Variants in PHEX observed in about 807,000 individuals in gnomAD.
PHEX encodes phosphate regulating endopeptidase X-linked.
In PHEX, 16 loss-of-function variants were observed where a neutral mutation model predicts 68.0. The ratio of observed to expected loss-of-function variants is 0.24; its 90% confidence interval spans 0.16 to 0.36. The LOEUF (loss-of-function observed/expected upper bound fraction) is 0.36, where lower values mean the gene tolerates loss of function less well. Among genes scored for constraint, PHEX ranks in the 10% least tolerant of loss-of-function variants. The pLI is 1.00. For synonymous variants in PHEX, 208 were observed against 205.1 expected, an observed-to-expected ratio of 1.01 and a Z score of -0.12; for missense variants, 480 against 575.5, an observed-to-expected ratio of 0.83 and a Z score of 1.70.
chrX:22,157,526 G>C (rs1305409054), intron 12 of PHEX, among the ~76,000 whole-genome samples: 1 of 112,287 alleles, frequency 8.9e-6, no homozygotes, highest in Non-Finnish European at 1.9e-5. Flanking sequence ...CTTTAACTCT[G>C]TTCAGTACAG....
chrX:22,117,834 C>T (rs766860836), intron 11 of PHEX, among the ~76,000 whole-genome samples: 117 of 111,053 alleles, frequency 1.1e-3, no homozygotes, highest in African/African-American at 3.5e-3. Context: ...TGTGCTGAAG[C>T]TGTTTGCCTC....
intron 18 of PHEX, among the ~76,000 whole-genome samples, chrX:22,223,725 GAC>G (rs754535415): frequency 8.9e-6 from 1 of 112,747 alleles, no homozygotes; most frequent in African/African-American, 3.2e-5. Context: ...GAAAGAGAGA[GAC>G]CCTGTCTCAA....
chrX:22,169,075 T>C (rs949836124), intron 13 of PHEX, among the ~76,000 whole-genome samples: 1 of 112,052 alleles, frequency 8.9e-6, no homozygotes, highest in Non-Finnish European at 1.9e-5. Flanking sequence ...ATTCACTAGA[T>C]TTTCTTGAAA....
chrX:22,241,934 A>T (rs1351228979), intron 20 of PHEX, among the ~76,000 whole-genome samples: 2 of 112,188 alleles, frequency 1.8e-5, no homozygotes, highest in East Asian at 2.8e-4. Context: ...TTATGAGGCC[A>T]GCGTGATCCT....
At chrX:22,043,902 A>G (rs1927396357) in intron 2 of PHEX, among the ~76,000 whole-genome samples, 1 of 111,100 alleles carries the variant, frequency 9.0e-6, no homozygotes, top group African/African-American at 3.3e-5. Flanking sequence ...GTAGGGGGAA[A>G]GGCGTTTTGG....
At chrX:22,105,798 A>G (rs1427802450) in intron 9 of PHEX, among the ~76,000 whole-genome samples, 1 of 112,310 alleles carries the variant, frequency 8.9e-6, no homozygotes, top group Non-Finnish European at 1.9e-5. Flanking sequence ...TAAATGTGAT[A>G]CAAATGTAAG....
rs747963636 is a variant in PHEX, at chrX:22,125,755, G to A, written c.1303-7768G>A. On this transcript the variant is annotated intron_variant, in intron 11 of 21. Coordinates refer to ENST00000379374, the MANE Select transcript of PHEX (RefSeq NM_000444.6). ...TGATAAGTTCTACTCATGGATTCAGGCTTTGAATTACTAAATCAGAGTAGG... is the reference window on the plus strand; with the variant it reads ...TGATAAGTTCTACTCATGGATTCAGACTTTGAATTACTAAATCAGAGTAGG... 5.4e-5 allele frequency among the ~76,000 whole-genome samples: 6 copies of A among 111,666 alleles called. No homozygotes were observed. In the South Asian group the frequency reaches 2.2e-3, roughly 42 times the overall value.
chrX:22,233,319 G>GGTGTT (rs1197351454), intron 20 of PHEX, among the ~76,000 whole-genome samples: 1 of 111,133 alleles, frequency 9.0e-6, no homozygotes, highest in Non-Finnish European at 1.9e-5. Context: ...GTATCTTAGT[G>GGTGTT]GTGTTTTCTG....
intron 15 of PHEX, among the ~76,000 whole-genome samples, chrX:22,203,703 AT>A (rs1347915424): frequency 9.0e-6 from 1 of 111,359 alleles, no homozygotes; most frequent in Non-Finnish European, 1.9e-5. Flanking sequence ...TTCATCCCGG[AT>A]TTTCTAAAGC....
intron 1 of PHEX, among the ~76,000 whole-genome samples, chrX:22,038,026 TAG>T (rs1927100593): frequency 9.0e-6 from 1 of 111,336 alleles, no homozygotes. Flanking sequence ...GAAGCGACTT[TAG>T]AGAGTGTCTC....
chrX:22,240,333 T>G (rs1161649110), intron 20 of PHEX, among the ~76,000 whole-genome samples: 1 of 112,071 alleles, frequency 8.9e-6, no homozygotes, highest in Non-Finnish European at 1.9e-5. Flanking sequence ...CATCAACTAA[T>G]GGGCAAAATA....
chrX:22,132,439 G>T (rs1176533328), intron 11 of PHEX, among the ~76,000 whole-genome samples: 1 of 111,245 alleles, frequency 9.0e-6, no homozygotes, highest in East Asian at 2.8e-4. Flanking sequence ...GAAATAACAA[G>T]ACTTTTCTGA....
Position 22,032,973 on chromosome X carries a change from C to T in PHEX, c.-33C>T, listed in dbSNP as rs5951494. On this transcript the variant is annotated 5_prime_UTR_variant, in exon 1 of 22. Transcript: ENST00000379374. ...CCAGCCACCAAACCACGAAAAGTGA[C>T]TTTCTTCTCGTGTGCTCTCTACGGC... 119,173 of 1,098,422 alleles carry T rather than the reference C, an allele frequency of 0.11. 5,045 individuals carry two copies. The highest frequency in any genetic ancestry group is 0.21 in the African/African-American group (11,250 of 54,669). 90.5% of individuals were successfully genotyped at this position (1,098,422 alleles called of 1,213,427 possible). A position where few individuals can be genotyped will look rare whatever the true frequency, so the allele number is the denominator to read the frequency against.
intron 18 of PHEX, among the ~76,000 whole-genome samples, chrX:22,226,066 A>T (rs969458456): frequency 2.7e-5 from 3 of 111,845 alleles, no homozygotes; most frequent in African/African-American, 9.8e-5. Flanking sequence ...CACAATGAGA[A>T]GAATACTCAA....
chrX:22,116,784 T>C (rs1439660382), intron 11 of PHEX, among the ~76,000 whole-genome samples: 5 of 111,296 alleles, frequency 4.5e-5, no homozygotes, highest in African/African-American at 1.6e-4. Flanking sequence ...CCACTGCCCA[T>C]ATACAAAGCC....
At chrX:22,064,196 G>C (rs1427968910) in intron 3 of PHEX, among the ~76,000 whole-genome samples, 1 of 111,379 alleles carries the variant, frequency 9.0e-6, no homozygotes, top group Non-Finnish European at 1.9e-5. Flanking sequence ...TTGTTACGTA[G>C]GTAAACTTGT....
chrX:22,219,375 T>C (rs1428701087), intron 17 of PHEX, among the ~76,000 whole-genome samples: 1 of 112,218 alleles, frequency 8.9e-6, no homozygotes, highest in East Asian at 2.8e-4. Flanking sequence ...AGGATTGCTG[T>C]AGCTGCCACA....
chrX:22,240,626 C>T (rs999558279), intron 20 of PHEX, among the ~76,000 whole-genome samples: 2 of 100,737 alleles, frequency 2.0e-5, no homozygotes, highest in African/African-American at 3.8e-5. Context: ...ATAAAACAGA[C>T]TTTAATCCAA....
At chrX:22,110,945 G>A (rs907741604) in intron 9 of PHEX, among the ~76,000 whole-genome samples, 8 of 111,738 alleles carry the variant, frequency 7.2e-5, no homozygotes, top group Non-Finnish European at 1.3e-4. Context: ...GTGTAGACAC[G>A]CCGATTAACC....
Sources: gnomAD v4.1 joint callset for allele counts (sites outside exome capture counted in the v4.1 genomes callset) on GRCh38, gnomAD v4.1.1 for gene constraint, MANE v1.5 for transcripts, NCBI Gene and HGNC (gene_info 2026-07-23, HGNC 2026-07-21) for gene names.